EPB41L3: variants seen among roughly 807,000 people sequenced by gnomAD.
EPB41L3 encodes erythrocyte membrane protein band 4.1 like 3.
A neutral mutation model predicts 127.1 loss-of-function variants in EPB41L3; 57 were observed. The ratio of observed to expected loss-of-function variants is 0.45; its 90% confidence interval spans 0.36 to 0.56. The LOEUF is 0.56. Ranked by LOEUF, EPB41L3 falls within the 20% of genes least tolerant of loss-of-function variation. The pLI is 0.00. For missense variants in EPB41L3, 1,273 were observed against 1,372.2 expected (o/e 0.93, Z 1.14); for synonymous variants, 572 against 549.5 (o/e 1.04, Z -0.57).
At chr18:5,595,671 G>GT (rs1206550821) in intron 3 of EPB41L3, among the ~76,000 whole-genome samples, 2 of 152,236 alleles carry the variant, frequency 1.3e-5, no homozygotes, top group Admixed American at 1.3e-4. Context: ...TTCCCCATCA[G>GT]TAAGTGTTTG....
intron 5 of EPB41L3, among the ~76,000 whole-genome samples, chr18:5,438,485 A>C (rs1351757701): frequency 2.0e-5 from 3 of 152,226 alleles, no homozygotes; most frequent in African/African-American, 7.2e-5. Flanking sequence ...CATAGCTCAC[A>C]GATCAACACC....
chr18:5,497,919 A>C (rs2091329082), intron 1 of EPB41L3, among the ~76,000 whole-genome samples: 1 of 152,192 alleles, frequency 6.6e-6, no homozygotes, highest in Non-Finnish European at 1.5e-5. Flanking sequence ...TTTCGACATA[A>C]TTTGGCAGAG....
Position 5,397,383 on chromosome 18 carries a change from G to A in EPB41L3, c.2516C>T (p.Pro839Leu). 1 of 1,613,754 alleles carries A rather than the reference G, an allele frequency of 6.2e-7. No homozygotes were observed. The highest frequency in any genetic ancestry group is 1.3e-5 in the African/African-American group (1 of 75,038). Residue 839 changes from proline (P) to leucine (L), a missense_variant, in exon 18 of 23, where the codon CCC becomes CTC. Around this residue, in one of 3 missense-constraint regions of EPB41L3, gnomAD observed 765 missense variants for 782.9 expected, o/e 0.98. Transcript: ENST00000341928. This position sits in a 1 kb window ranked among gnomAD's most constrained non-coding sequence, Gnocchi z 4.1. ...KTESSGIETEPTVHHLPLSTE... is the reference protein window; with the variant it reads ...KTESSGIETELTVHHLPLSTE... ...GCTAAGCGGCAGGTGGTGCACGGTG[G>A]GTTCCGTCTCTATTCCACTGGACTC...
chr18:5,471,986 C>A (rs1478447832), intron 3 of EPB41L3, among the ~76,000 whole-genome samples: 1 of 152,114 alleles, frequency 6.6e-6, no homozygotes, highest in Admixed American at 6.6e-5. Flanking sequence ...CACTCAGCTT[C>A]CAAAACACAG....
intron 1 of EPB41L3, among the ~76,000 whole-genome samples, chr18:5,536,235 T>C (rs2093568089): frequency 6.6e-6 from 1 of 151,942 alleles, no homozygotes; most frequent in Non-Finnish European, 1.5e-5. Context: ...ATAATAATCA[T>C]CAGAGATTTT....
At chr18:5,571,616 T>C (rs1308868689) in intron 3 of EPB41L3, among the ~76,000 whole-genome samples, 5 of 152,224 alleles carry the variant, frequency 3.3e-5, no homozygotes, top group African/African-American at 9.7e-5. Context: ...TGAGTTAGAA[T>C]CATATCCCAC....
intron 1 of EPB41L3, chr18:5,489,466 G>T: frequency 2.5e-6 from 1 of 393,218 alleles, no homozygotes; most frequent in Non-Finnish European, 4.5e-6. Context: ...TTGCCACAAC[G>T]GATTGTTAAA....
chr18:5,502,430 AT>A (rs1401880984), intron 1 of EPB41L3, among the ~76,000 whole-genome samples: 3 of 152,116 alleles, frequency 2.0e-5, no homozygotes, highest in Admixed American at 6.5e-5. Flanking sequence ...TATATTGATA[AT>A]TTTTTTAACT....
chr18:5,488,973 C>T (rs758669812), intron 2 of EPB41L3, 28 bp downstream of exon 2: 2 of 1,558,104 alleles, frequency 1.3e-6, no homozygotes, highest in Non-Finnish European at 1.7e-6. Context: ...GCAAACACTG[C>T]GTCATTAGTT....
chr18:5,412,888 GCCTATAACAATTATATTATATAATTATT>G (rs1206704727), intron 13 of EPB41L3, among the ~76,000 whole-genome samples: 2 of 146,166 alleles, frequency 1.4e-5, no homozygotes, highest in Non-Finnish European at 3.0e-5. Context: ...AAAAAAAAAT[GCCTATAACAATTATATTATATAATTATT>G]CCTATTTTTC....
chr18:5,502,477 T>TTC (rs2091829240), intron 1 of EPB41L3, among the ~76,000 whole-genome samples: 1 of 152,238 alleles, frequency 6.6e-6, no homozygotes, highest in Admixed American at 6.5e-5. Flanking sequence ...TTTTAAATCC[T>TTC]TTAGCTCGTC....
chr18:5,606,882 T>TTCTC (rs59299599), intron 3 of EPB41L3, among the ~76,000 whole-genome samples: 2,894 of 141,560 alleles, frequency 0.02, 73 homozygotes, highest in African/African-American at 0.064. Flanking sequence ...CATGGCGTCA[T>TTCTC]TCTCTCTCTC....
At chr18:5,406,341 G>A (rs1321801266) in intron 16 of EPB41L3, among the ~76,000 whole-genome samples, 2 of 152,140 alleles carry the variant, frequency 1.3e-5, no homozygotes, top group African/African-American at 4.8e-5. Context: ...ATCAATAAAA[G>A]CCTGGTGTAA....
At chr18:5,542,480 C>G (rs112812920) in intron 1 of EPB41L3, among the ~76,000 whole-genome samples, 3 of 152,026 alleles carry the variant, frequency 2.0e-5, no homozygotes, top group African/African-American at 4.8e-5. Context: ...CTCCCCACCC[C>G]CCCTCAACAA....
intron 2 of EPB41L3, among the ~76,000 whole-genome samples, chr18:5,487,497 T>A (rs189822215): frequency 1.4e-5 from 2 of 145,918 alleles, no homozygotes; most frequent in African/African-American, 5.2e-5. Flanking sequence ...TACCTCAAAT[T>A]TTTTTTTTTT....
At chr18:5,512,635 A>G (rs1306612756) in intron 1 of EPB41L3, among the ~76,000 whole-genome samples, 1 of 152,108 alleles carries the variant, frequency 6.6e-6, no homozygotes, top group Non-Finnish European at 1.5e-5. Flanking sequence ...ATAAAGGAGG[A>G]CCATTGAGGA....
At chr18:5,618,277 T>C (rs2094821076) in intron 1 of EPB41L3, among the ~76,000 whole-genome samples, 1 of 152,200 alleles carries the variant, frequency 6.6e-6, no homozygotes, top group Admixed American at 6.5e-5. Context: ...CCTATGCTCT[T>C]AGAAACAAAA....
At chr18:5,427,739 A>G (rs906524782) in intron 9 of EPB41L3, among the ~76,000 whole-genome samples, 5 of 152,116 alleles carry the variant, frequency 3.3e-5, no homozygotes, top group African/African-American at 1.2e-4. Flanking sequence ...AAAATTATTA[A>G]TGATACTGGA....
At chr18:5,411,780 T>C (rs920634701) in intron 13 of EPB41L3, among the ~76,000 whole-genome samples, 16 of 152,150 alleles carry the variant, frequency 1.1e-4, no homozygotes, top group Admixed American at 1.3e-4. Flanking sequence ...GACAGTGTTG[T>C]TTCCACTGAC....
Sources: gnomAD v4.1 joint callset for allele counts (sites outside exome capture counted in the v4.1 genomes callset) on GRCh38, gnomAD v4.1.1 for gene constraint, gnomAD v4.1.1 regional missense constraint, Gnocchi (gnomAD v3.1) non-coding constraint, MANE v1.5 for transcripts, NCBI Gene and HGNC (gene_info 2026-07-23, HGNC 2026-07-21) for gene names.